NELL2: variants seen among roughly 807,000 people sequenced by gnomAD.
NELL2 encodes protein kinase C-binding protein NELL2.
Under a neutral mutation model 109.6 loss-of-function variants are expected in NELL2, and 41 were observed. The ratio of observed to expected loss-of-function variants is 0.37; its 90% CI spans 0.29 to 0.49. NELL2 has a LOEUF of 0.49. Among genes scored for constraint, NELL2 ranks in the 20% least tolerant of loss-of-function variants. NELL2 has a pLI of 0.98. For missense variants in NELL2, 900 were observed against 1,008.3 expected (o/e 0.89, Z 1.45); for synonymous variants, 355 against 344.7 (o/e 1.03, Z -0.33).
At chr12:44,820,941 T>C (rs2060268141) in intron 2 of NELL2, among the ~76,000 whole-genome samples, 1 of 146,806 alleles carries the variant, frequency 6.8e-6, no homozygotes, top group African/African-American at 2.5e-5. Flanking sequence ...TAGGCGTGCC[T>C]GAGTAAATCA....
Position 44,592,428 on chromosome 12 carries a change from A to G in NELL2, c.1663+14741T>C, listed in dbSNP as rs1251081579. On this transcript the variant is annotated intron_variant, in intron 15 of 19. Coordinates refer to ENST00000429094, the MANE Select transcript of NELL2 (RefSeq NM_001145108.2). ...ATCTTGATTACTTCTTTGGGTAGAG[A>G]AAGTGATGCTTTGTTTCCCTCTTCC... Among the ~76,000 whole-genome samples, 5 of 152,162 alleles carry G rather than the reference A, an allele frequency of 3.3e-5. No individual in the cohort carries two copies. In the South Asian group the frequency reaches 8.3e-4, roughly 25 times the overall value.
At chr12:44,792,472 T>A (rs565639180) in intron 3 of NELL2, among the ~76,000 whole-genome samples, 33 of 152,196 alleles carry the variant, frequency 2.2e-4, no homozygotes, top group African/African-American at 7.0e-4. Context: ...AAAGAAGCCA[T>A]AAAGCAAAAC....
intron 2 of NELL2, among the ~76,000 whole-genome samples, chr12:44,833,730 G>A (rs1291635320): frequency 3.3e-5 from 5 of 152,076 alleles, no homozygotes; most frequent in African/African-American, 7.2e-5. Context: ...TTGGACTCGC[G>A]GTACAGCTCT....
chr12:44,790,387 A>C (rs1942336643), intron 3 of NELL2, among the ~76,000 whole-genome samples: 1 of 152,178 alleles, frequency 6.6e-6, no homozygotes, highest in African/African-American at 2.4e-5. Context: ...AGCATCATAC[A>C]TGAAGGAAAG....
chr12:44,786,817 G>A (rs1942190789), intron 3 of NELL2, among the ~76,000 whole-genome samples: 1 of 152,146 alleles, frequency 6.6e-6, no homozygotes, highest in Non-Finnish European at 1.5e-5. Context: ...ATAAGTGGGA[G>A]TTGAACAATG....
intron 12 of NELL2, among the ~76,000 whole-genome samples, chr12:44,683,273 T>A (rs1473033172): frequency 6.6e-6 from 1 of 152,022 alleles, no homozygotes; most frequent in Non-Finnish European, 1.5e-5. Flanking sequence ...TGATTTTGTA[T>A]CCTGAGACTT....
At chr12:44,650,797 A>T (rs1420460484) in intron 13 of NELL2, among the ~76,000 whole-genome samples, 3 of 152,030 alleles carry the variant, frequency 2.0e-5, no homozygotes, top group African/African-American at 7.2e-5. Flanking sequence ...GCCTGCTCCT[A>T]AAGGCCACAT....
At chr12:44,649,260 G>A (rs1029445813) in intron 13 of NELL2, among the ~76,000 whole-genome samples, 1 of 144,250 alleles carries the variant, frequency 6.9e-6, no homozygotes, top group Admixed American at 6.9e-5. Context: ...TGCCTGCCTT[G>A]GTAATCCAGC....
At chr12:44,854,089 T>A (rs1944606156) in intron 2 of NELL2, among the ~76,000 whole-genome samples, 1 of 152,190 alleles carries the variant, frequency 6.6e-6, no homozygotes, top group African/African-American at 2.4e-5. Context: ...GTTCTAAAAA[T>A]ATAGGTTACG....
At chr12:44,844,448 C>T (rs1444872830) in intron 2 of NELL2, among the ~76,000 whole-genome samples, 2 of 152,158 alleles carry the variant, frequency 1.3e-5, no homozygotes, top group Non-Finnish European at 2.9e-5. Context: ...AAAAAACTAC[C>T]TACTCTCTGA....
intron 12 of NELL2, among the ~76,000 whole-genome samples, chr12:44,683,235 T>C (rs1344462377): frequency 6.6e-6 from 1 of 152,184 alleles, no homozygotes; most frequent in Admixed American, 6.5e-5. Context: ...GTTATTGGTG[T>C]ATAAGAATGC....
chr12:44,861,567 G>A (rs917358808), intron 2 of NELL2, among the ~76,000 whole-genome samples: 8 of 152,148 alleles, frequency 5.3e-5, no homozygotes, highest in East Asian at 3.9e-4. Flanking sequence ...GGACTACCCC[G>A]AGAGCTGAGC....
At chr12:44,639,687 C>T (rs1410429149) in intron 13 of NELL2, among the ~76,000 whole-genome samples, 28 of 152,112 alleles carry the variant, frequency 1.8e-4, no homozygotes. Context: ...CCGTAAGAGC[C>T]TCTTAAAATG....
intron 15 of NELL2, among the ~76,000 whole-genome samples, chr12:44,594,581 G>A (rs1217530213): frequency 2.0e-5 from 3 of 152,070 alleles, no homozygotes; most frequent in Non-Finnish European, 4.4e-5. Flanking sequence ...CAGTGGAAGG[G>A]TGAAGTCTAA....
At chr12:44,818,422 G>T (rs541172180) in intron 2 of NELL2, among the ~76,000 whole-genome samples, 2 of 152,186 alleles carry the variant, frequency 1.3e-5, no homozygotes, top group Non-Finnish European at 2.9e-5. Flanking sequence ...ATAGATGGGG[G>T]TGCAAATGAG....
intron 9 of NELL2, among the ~76,000 whole-genome samples, chr12:44,717,601 T>A (rs935222774): frequency 6.6e-6 from 1 of 152,072 alleles, no homozygotes; most frequent in Non-Finnish European, 1.5e-5. Context: ...TGGTTAAGGA[T>A]CCAGACTGTG....
chr12:44,522,237 A>G, intron 17 of NELL2, 61 bp from the exon 18 acceptor site: 2 of 1,302,686 alleles, frequency 1.5e-6, no homozygotes, highest in Non-Finnish European at 2.1e-6. Context: ...ACACGCACAC[A>G]CACACACGCA....
At chr12:44,559,527 TC>T (rs1322371780) in intron 15 of NELL2, among the ~76,000 whole-genome samples, 20 of 152,142 alleles carry the variant, frequency 1.3e-4, no homozygotes, top group African/African-American at 4.8e-4. Context: ...GGGGTTGCAA[TC>T]CTAGTCTCTG....
intron 9 of NELL2, among the ~76,000 whole-genome samples, chr12:44,734,315 T>C (rs1035173660): frequency 6.6e-6 from 1 of 151,980 alleles, no homozygotes; most frequent in Non-Finnish European, 1.5e-5. Flanking sequence ...ATGGTCTATA[T>C]TTTACTGCTC....
Sources: allele counts gnomAD v4.1 joint callset (sites outside exome capture counted in the v4.1 genomes callset), GRCh38; gene constraint gnomAD v4.1.1; transcripts MANE v1.5; gene names NCBI Gene and HGNC (gene_info 2026-07-23, HGNC 2026-07-21).